The following RALGAPB variants were observed in gnomAD, a reference collection of about 807,000 sequenced individuals.
RALGAPB encodes ral GTPase-activating protein subunit beta.
In RALGAPB, 25 loss-of-function variants were observed where a neutral mutation model predicts 161.1. The observed-to-expected ratio is 0.16, with a 90% CI of 0.11 to 0.22. RALGAPB has a LOEUF of 0.22. Among genes scored for constraint, RALGAPB ranks in the 10% least tolerant of loss-of-function variants. The pLI is 1.00. For synonymous variants in RALGAPB, 629 were observed against 626.1 expected (o/e 1.00, Z -0.07); for missense variants, 1,391 against 1,815.2 (o/e 0.77, Z 4.25).
At chr20:38,478,025 A>G (rs1404704352) in intron 1 of RALGAPB, among the ~76,000 whole-genome samples, 1 of 152,124 alleles carries the variant, frequency 6.6e-6, no homozygotes, top group East Asian at 1.9e-4. Context: ...TGGGAGGCTG[A>G]GTGGGAGGAT....
Position 38,577,191 on chromosome 20 carries a change from A to AT in RALGAPB, c.*2225dup, listed in dbSNP as rs2088469060. 2 of 152,330 alleles carry AT rather than the reference A, an allele frequency of 1.3e-5. No individual in the cohort carries two copies. Among genetic ancestry groups the AT allele is most frequent in the Admixed American group, 6.5e-5 (1 of 15,304 alleles). 9.4% of individuals were successfully genotyped at this position (152,330 alleles called of 1,614,324 possible). On this transcript the variant is annotated 3_prime_UTR_variant, in exon 30 of 30. Coordinates refer to ENST00000262879, the MANE Select transcript of RALGAPB (RefSeq NM_020336.4). ...CAGGCGCTGGTTCCTTCTGCTCACAATAACATCTGCCCAAAGAGGGAGTGG... is the reference window on the plus strand; with the variant it reads ...CAGGCGCTGGTTCCTTCTGCTCACAATTAACATCTGCCCAAAGAGGGAGTGG...
intron 2 of RALGAPB, among the ~76,000 whole-genome samples, chr20:38,491,547 A>T (rs924120760): frequency 3.9e-5 from 6 of 152,208 alleles, no homozygotes; most frequent in Admixed American, 2.0e-4. Flanking sequence ...TCTTGCTAAC[A>T]CCCAGATACC....
At chr20:38,548,653 T>C in intron 19 of RALGAPB, 36 bp from the exon 20 acceptor site, 2 of 1,509,016 alleles carry the variant, frequency 1.3e-6, no homozygotes, top group Non-Finnish European at 1.8e-6. Context: ...GGTTGTTGTC[T>C]GAAATTAAAA....
In RALGAPB at chr20:38,557,199, T is replaced by G. The variant is rs117949146; in HGVS notation, c.3373-1096T>G. ...AACAAAAATGCATTTTTGAAAAATGTGTAGACTTAATTTTTTTAGAGAAGA... is the reference window on the plus strand; with the variant it reads ...AACAAAAATGCATTTTTGAAAAATGGGTAGACTTAATTTTTTTAGAGAAGA... On this transcript the variant is annotated intron_variant, in intron 22 of 29. Transcript: ENST00000262879. 4.1e-4 allele frequency among the ~76,000 whole-genome samples: 62 copies of G among 152,292 alleles called. No homozygotes were observed. The East Asian group carries it at 0.012, about 29-fold the overall frequency.
chr20:38,528,317 G>A (rs1476989242), intron 13 of RALGAPB, among the ~76,000 whole-genome samples: 1 of 151,608 alleles, frequency 6.6e-6, no homozygotes, highest in Non-Finnish European at 1.5e-5. Flanking sequence ...TTTATATAAA[G>A]CAAGTTTGAC....
At chr20:38,558,515 A>G in intron 23 of RALGAPB, 62 bp downstream of exon 23, 3 of 1,343,636 alleles carry the variant, frequency 2.2e-6, no homozygotes, top group South Asian at 1.8e-5. Context: ...CGTCTAAAGA[A>G]AAAAATTGAG....
chr20:38,496,422 G>A (rs778823724), intron 3 of RALGAPB, among the ~76,000 whole-genome samples: 3 of 152,130 alleles, frequency 2.0e-5, no homozygotes, highest in African/African-American at 4.8e-5. Context: ...ATGACAATAT[G>A]TAGAAACTTG....
intron 15 of RALGAPB, among the ~76,000 whole-genome samples, chr20:38,533,244 A>T (rs1319761387): frequency 6.6e-6 from 1 of 151,998 alleles, no homozygotes; most frequent in Non-Finnish European, 1.5e-5. Context: ...GTAATGGGGG[A>T]TGGATTAGAT....
intron 24 of RALGAPB, among the ~76,000 whole-genome samples, chr20:38,563,232 C>G (rs1271899118): frequency 6.6e-6 from 1 of 152,160 alleles, no homozygotes; most frequent in Non-Finnish European, 1.5e-5. Context: ...TATTACAATG[C>G]TGATAAGTTC....
intron 1 of RALGAPB, among the ~76,000 whole-genome samples, chr20:38,473,481 G>A (rs374730237): frequency 5.3e-5 from 8 of 152,308 alleles, no homozygotes; most frequent in African/African-American, 1.7e-4. Context: ...GAGAGTTGAT[G>A]ATGGGAGTAA....
At chr20:38,544,843 G>A (rs13043114) in intron 18 of RALGAPB, among the ~76,000 whole-genome samples, 37,145 of 151,930 alleles carry the variant, frequency 0.24, 5,804 homozygotes, top group East Asian at 0.53. Flanking sequence ...AAATGTACTC[G>A]GACTGCATTG....
rs563575025 is a variant in RALGAPB at position 38,532,216 on chromosome 20, C to T, written c.2116-514C>T. On this transcript the variant is annotated intron_variant, in intron 14 of 29. Transcript: ENST00000262879. ...GACTACAGGCGCCTGCCACTGCGCCCGGCTAATTTTTTTGTATTTTTTAAT... is the reference window on the plus strand; with the variant it reads ...GACTACAGGCGCCTGCCACTGCGCCTGGCTAATTTTTTTGTATTTTTTAAT... 5.3e-5 allele frequency among the ~76,000 whole-genome samples: 8 copies of T among 152,162 alleles called. No individual in the cohort carries two copies. The South Asian group carries it at 1.7e-3, about 32-fold the overall frequency.
At chr20:38,543,656 C>G (rs566486402) in intron 18 of RALGAPB, among the ~76,000 whole-genome samples, 5 of 152,196 alleles carry the variant, frequency 3.3e-5, no homozygotes, top group African/African-American at 1.2e-4. Context: ...CGTTGTCAGG[C>G]CTGACAGAGC....
chr20:38,504,250 A>G (rs1462610108), intron 5 of RALGAPB, among the ~76,000 whole-genome samples: 1 of 152,212 alleles, frequency 6.6e-6, no homozygotes, highest in Admixed American at 6.5e-5. Context: ...AACTAATGGA[A>G]CAGAATAGAG....
chr20:38,501,191 AG>A (rs2122962159), intron 5 of RALGAPB, among the ~76,000 whole-genome samples: 1 of 152,324 alleles, frequency 6.6e-6, no homozygotes, highest in African/African-American at 2.4e-5. Flanking sequence ...TTCTATAGCT[AG>A]AGAGGAGAAG....
chr20:38,494,664 C>T (rs868800986), intron 3 of RALGAPB, among the ~76,000 whole-genome samples: 10 of 152,176 alleles, frequency 6.6e-5, no homozygotes, highest in African/African-American at 2.2e-4. Context: ...AAACAGGAAA[C>T]GGTTGGGAGT....
At chr20:38,557,059 C>T (rs1185010639) in intron 22 of RALGAPB, among the ~76,000 whole-genome samples, 1 of 152,314 alleles carries the variant, frequency 6.6e-6, no homozygotes, top group Admixed American at 6.5e-5. Context: ...GTGTGAAAGA[C>T]AGTCATTCTT....
At chr20:38,516,496 C>A in intron 7 of RALGAPB, 126 bp downstream of exon 7, 4 of 948,396 alleles carry the variant, frequency 4.2e-6, no homozygotes, top group Non-Finnish European at 6.0e-6. Context: ...AAATAACAAG[C>A]GAGGAAAAAT....
chr20:38,538,113 GT>G (rs2086862271), intron 16 of RALGAPB: 1 of 161,338 alleles, frequency 6.2e-6, no homozygotes, highest in South Asian at 1.8e-4. Context: ...CTTCTGTAGT[GT>G]GCTGTGGTTC....
Sources: allele counts gnomAD v4.1 joint callset (sites outside exome capture counted in the v4.1 genomes callset), GRCh38; gene constraint gnomAD v4.1.1; transcripts MANE v1.5; gene names NCBI Gene and HGNC (gene_info 2026-07-23, HGNC 2026-07-21).